TDRD9: variants seen among roughly 807,000 people sequenced by gnomAD.
TDRD9 encodes ATP-dependent RNA helicase TDRD9.
Under a neutral mutation model 172.6 loss-of-function variants are expected in TDRD9, and 124 were observed. That is an observed-to-expected ratio of 0.72 (90% CI 0.62 to 0.83). TDRD9 has a LOEUF of 0.83. Among genes scored for constraint, TDRD9 ranks in the 40% least tolerant of loss-of-function variants. The pLI, the probability that TDRD9 is intolerant of heterozygous loss-of-function variation, is 0.00. For missense variants in TDRD9, 1,479 were observed against 1,714.1 expected (o/e 0.86, Z 2.42); for synonymous variants, 619 against 617.1 (o/e 1.00, Z -0.05).
rs201937343 is a variant in TDRD9, at chr14:104,042,171, C to T, written c.3958C>T (p.Arg1320Cys). 64 of 1,611,740 alleles carry T rather than the reference C, an allele frequency of 4.0e-5. No individual in the cohort carries two copies. In the East Asian group the frequency reaches 7.6e-4, roughly 19 times the overall value. Reference sequence around the variant, plus strand: ...AGTTGCGCAGCTTCAAGACATTGCCCGTCAGAAGCTTTTAGGGTAAGCTGT... The same window carrying T: ...AGTTGCGCAGCTTCAAGACATTGCCTGTCAGAAGCTTTTAGGGTAAGCTGT... ...ERVAQLQDIA[R>C]QKLLGLFCQS... is the part of the protein sequence containing the mutation. The change falls in exon 34 of 36, where the codon CGT becomes TGT. Residue 1320 changes from arginine (R) to cysteine (C), a missense_variant. Around this residue, in one of 3 missense-constraint regions of TDRD9, gnomAD observed 1,413 missense variants for 1,649.1 expected, o/e 0.86. Transcript: ENST00000409874.
At chr14:103,952,005 T>C (rs1208410185) in intron 1 of TDRD9, among the ~76,000 whole-genome samples, 1 of 150,334 alleles carries the variant, frequency 6.7e-6, no homozygotes, top group East Asian at 2.0e-4. Flanking sequence ...CCTGACCTTG[T>C]GATCCGCCCG....
At chr14:103,994,669 G>A in intron 11 of TDRD9, 66 bp downstream of exon 11, 3 of 1,358,262 alleles carry the variant, frequency 2.2e-6, no homozygotes, top group Non-Finnish European at 3.1e-6. Context: ...CTCTACTCAT[G>A]AAAAATATTT....
chr14:103,945,620 G>A (rs1484758823), intron 1 of TDRD9: 1 of 152,184 alleles, frequency 6.6e-6, no homozygotes, highest in Non-Finnish European at 1.5e-5. Context: ...AGGATATTTT[G>A]TGTGGACGAC....
At chr14:103,994,635 CT>C (rs1430918959) in intron 11 of TDRD9, 32 bp downstream of exon 11, 1 of 1,575,428 alleles carries the variant, frequency 6.3e-7, no homozygotes, top group Non-Finnish European at 8.7e-7. Flanking sequence ...GTTCTAAGCA[CT>C]TTAGGTAAAT....
At position 103,938,434 on chromosome 14, in the gene TDRD9, A is replaced by ATTTT. The variant is rs1167863822; in HGVS notation, c.215+9711_215+9712insTTTT. 8.1e-3 allele frequency among the ~76,000 whole-genome samples: 281 copies of ATTTT among 34,862 alleles called. 1 individual carries two copies. The highest frequency in any genetic ancestry group is 0.01 in the East Asian group (10 of 972). The allele number at this position is 34,862 out of a possible 152,430, so 22.9% of individuals were successfully genotyped here. A position where few individuals can be genotyped will look rare whatever the true frequency, so the allele number is the denominator to read the frequency against. ...TGTGTGTATATATATATATATATAT[A>ATTTT]TATATATTTTTTTTTTTTTTTTGAG... is the stretch of plus-strand genomic sequence containing the variant. On this transcript the variant is annotated intron_variant, in intron 1 of 35. Coordinates refer to ENST00000409874, the MANE Select transcript of TDRD9 (RefSeq NM_153046.3).
intron 31 of TDRD9, 23 bp from the exon 32 acceptor site, chr14:104,034,937 T>C (rs1260455165): frequency 1.3e-6 from 2 of 1,541,732 alleles, no homozygotes; most frequent in South Asian, 2.4e-5. Context: ...ATGCCCGATG[T>C]TGATTTAGCA....
At position 104,052,229 on chromosome 14, in the gene TDRD9, T is replaced by C. The variant is rs543337806; in HGVS notation, c.*147T>C. The C allele has an allele frequency of 5.8e-6, 3 of 521,694 alleles. No individual in the cohort carries two copies. Among genetic ancestry groups the C allele is most frequent in the Non-Finnish European group, 1.0e-5 (3 of 292,468 alleles). 32.3% of individuals were successfully genotyped at this position (521,694 alleles called of 1,614,324 possible). ...TAAAGGCCTTTTCTTTCTTCTTTTC[T>C]CTTTGGGTGATAGTCAGAGAGTGGT... On this transcript the variant is annotated 3_prime_UTR_variant, in exon 36 of 36. Coordinates refer to ENST00000409874, the MANE Select transcript of TDRD9 (RefSeq NM_153046.3).
At chr14:103,993,097 G>A (rs1358147182) in intron 9 of TDRD9, among the ~76,000 whole-genome samples, 1 of 151,552 alleles carries the variant, frequency 6.6e-6, no homozygotes, top group Non-Finnish European at 1.5e-5. Flanking sequence ...AGCCTCCCAA[G>A]TAGCTGGGAC....
rs138610062 is a variant in TDRD9 at position 103,975,146 on chromosome 14, A to G, written c.847-243A>G. Among the ~76,000 whole-genome samples, 129 of 152,240 alleles carry G rather than the reference A, an allele frequency of 8.5e-4. 3 individuals carry two copies. The East Asian group carries it at 0.024, about 28-fold the overall frequency. On this transcript the variant is annotated intron_variant, in intron 6 of 35. Coordinates refer to ENST00000409874, the MANE Select transcript of TDRD9 (RefSeq NM_153046.3). Reference sequence around the variant, plus strand: ...TCTTTCAGAAAAATGGTTTTAATTTACCCTTATTGGAGATGAAATTTATCA... The same window carrying G: ...TCTTTCAGAAAAATGGTTTTAATTTGCCCTTATTGGAGATGAAATTTATCA...
chr14:103,982,412 G>A (rs958442187), intron 7 of TDRD9, among the ~76,000 whole-genome samples: 1 of 152,090 alleles, frequency 6.6e-6, no homozygotes, highest in Admixed American at 6.6e-5. Flanking sequence ...CCTCCTTGTC[G>A]TTAGGAGAGC....
At chr14:103,963,050 T>C in intron 2 of TDRD9, 29 bp from the exon 3 acceptor site, 1 of 1,329,044 alleles carries the variant, frequency 7.5e-7, no homozygotes, top group Non-Finnish European at 1.0e-6. Context: ...AGAAATGGCA[T>C]TGTATTTGTT....
chr14:103,996,279 G>A (rs2034055853), intron 12 of TDRD9, among the ~76,000 whole-genome samples: 1 of 152,170 alleles, frequency 6.6e-6, no homozygotes, highest in East Asian at 1.9e-4. Flanking sequence ...ATTTATATTT[G>A]AAAACCTAAC....
intron 1 of TDRD9, among the ~76,000 whole-genome samples, chr14:103,952,783 G>A (rs2032005398): frequency 8.4e-6 from 1 of 119,354 alleles, no homozygotes; most frequent in African/African-American, 3.2e-5. Flanking sequence ...CTGTCGCCCA[G>A]GCTGGAGTGC....
chr14:104,038,316 G>A (rs1268204380), intron 32 of TDRD9, among the ~76,000 whole-genome samples: 1 of 152,220 alleles, frequency 6.6e-6, no homozygotes, highest in Non-Finnish European at 1.5e-5. Context: ...AATTGAATGA[G>A]GGTGGATTAA....
At chr14:103,948,099 G>C (rs899801909) in intron 1 of TDRD9, among the ~76,000 whole-genome samples, 1 of 152,094 alleles carries the variant, frequency 6.6e-6, no homozygotes, top group Non-Finnish European at 1.5e-5. Flanking sequence ...CTGCAGTCTC[G>C]ACCTCCTAGG....
chr14:104,010,097 C>T (rs923346721), intron 20 of TDRD9, among the ~76,000 whole-genome samples: 6 of 152,024 alleles, frequency 3.9e-5, no homozygotes, highest in African/African-American at 1.4e-4. Context: ...AGGTGTGCGT[C>T]ACCACGCTTG....
chr14:104,032,408 C>T (rs907424415), intron 30 of TDRD9, among the ~76,000 whole-genome samples: 1 of 152,058 alleles, frequency 6.6e-6, no homozygotes, highest in South Asian at 2.1e-4. Context: ...GGTTTCACCA[C>T]GTTGGTCAGG....
chr14:104,022,157 A>C lies in TDRD9; in HGVS notation c.2433A>C (p.Lys811Asn), dbSNP rs2034973931. The C allele has an allele frequency of 6.4e-7, 1 of 1,551,830 alleles. No homozygotes were observed. The highest frequency in any genetic ancestry group is 1.2e-5 in the South Asian group (1 of 83,534). The change falls in exon 24 of 36, where the codon AAA (lysine) becomes AAC (asparagine). Residue 811 changes from lysine (K) to asparagine (N), a missense_variant and splice_region_variant. Physicochemically the swap from Lys to Asn is moderately conservative, Grantham distance 94. Transcript: ENST00000409874. ...TTTTAAATTTACATTTGTGGAACAGAGCCTTTGTGGAATTCTCACGAAATC... is the reference window on the plus strand; with the variant it reads ...TTTTAAATTTACATTTGTGGAACAGCGCCTTTGTGGAATTCTCACGAAATC... ...QVKSIVFDGA[K>N]AFVEFSRNPT...
At position 104,052,221 on chromosome 14, in the gene TDRD9, T is replaced by C. The variant is rs77111474; in HGVS notation, c.*139T>C. ...CTGCATCCTAAAGGCCTTTTCTTTC[T>C]TCTTTTCTCTTTGGGTGATAGTCAG... On this transcript the variant is annotated 3_prime_UTR_variant, in exon 36 of 36. Coordinates refer to ENST00000409874, the MANE Select transcript of TDRD9 (RefSeq NM_153046.3). 9,062 of 531,976 alleles carry C rather than the reference T, an allele frequency of 0.017. 214 individuals are homozygous for C. Among genetic ancestry groups the C allele is most frequent in the African/African-American group, 0.074 (3,897 of 52,374 alleles). 33.0% of individuals were successfully genotyped at this position (531,976 alleles called of 1,614,324 possible).
Sources: allele counts gnomAD v4.1 joint callset (sites outside exome capture counted in the v4.1 genomes callset), GRCh38; gene constraint gnomAD v4.1.1; regional missense constraint gnomAD v4.1.1; transcripts MANE v1.5; gene names NCBI Gene and HGNC (gene_info 2026-07-23, HGNC 2026-07-21).